Variants in MORC1 observed in about 807,000 individuals in gnomAD.
MORC1 encodes MORC family CW-type zinc finger 1.
In MORC1, 59 loss-of-function variants were observed where a neutral mutation model predicts 134.9. The ratio of observed to expected loss-of-function variants is 0.44; its 90% CI spans 0.35 to 0.54. The LOEUF is 0.54. Ranked by LOEUF, MORC1 falls within the 20% of genes least tolerant of loss-of-function variation. The probability of loss-of-function intolerance (pLI) is 0.00; values close to 1 mark genes in which losing one functional copy is unlikely to be tolerated. For missense variants in MORC1, 947 were observed against 1,134.5 expected (o/e 0.83, Z 2.37); for synonymous variants, 395 against 391.7 (o/e 1.01, Z -0.10).
At chr3:109,018,941 C>T (rs1344213151) in intron 17 of MORC1, 1 of 152,068 alleles carries the variant, frequency 6.6e-6, no homozygotes, top group African/African-American at 2.4e-5. Context: ...ATTCCTCTCC[C>T]AAAGGAAGAG....
In MORC1 at chr3:109,100,986, C is replaced by T. The variant is rs1471146083; in HGVS notation, c.224-479G>A. On this transcript the variant is annotated intron_variant, in intron 4 of 27. Coordinates refer to ENST00000232603, the MANE Select transcript of MORC1 (RefSeq NM_014429.4). ...CCTAGAAAGGTCCTGGAATCCATTC[C>T]CTACAGATACTAAGAAACAACTGTA... is the stretch of plus-strand genomic sequence containing the variant. Among the ~76,000 whole-genome samples, 3 of 152,084 alleles carry T rather than the reference C, an allele frequency of 2.0e-5. No homozygotes were observed. In the East Asian group the frequency reaches 5.8e-4, roughly 29 times the overall value.
chr3:109,076,974 T>TAAA lies in MORC1; in HGVS notation c.690-7220_690-7218dup, dbSNP rs10674222. On this transcript the variant is annotated intron_variant, in intron 8 of 27. Coordinates refer to ENST00000232603, the MANE Select transcript of MORC1 (RefSeq NM_014429.4). ...ACATGTATCCCAGAACTTAAAGTAT[T>TAAA]AAAAAAAAAAAAAAAGTTAAGAGAA... Among the ~76,000 whole-genome samples, 807 of 142,444 alleles carry TAAA rather than the reference T, an allele frequency of 5.7e-3. 6 individuals are homozygous for TAAA. Among genetic ancestry groups the TAAA allele is most frequent in the African/African-American group, 0.013 (486 of 38,484 alleles). 93.4% of individuals were successfully genotyped at this position (142,444 alleles called of 152,430 possible).
At chr3:109,106,223 G>A (rs947929409) in intron 3 of MORC1, among the ~76,000 whole-genome samples, 2 of 152,162 alleles carry the variant, frequency 1.3e-5, no homozygotes, top group Admixed American at 6.5e-5. Flanking sequence ...GTTCAGCCTC[G>A]GGCAGCTCTG....
chr3:109,036,723 A>G (rs1025515980), intron 14 of MORC1, among the ~76,000 whole-genome samples: 11 of 152,136 alleles, frequency 7.2e-5, no homozygotes, highest in African/African-American at 2.4e-4. Flanking sequence ...CAGCTTTCAA[A>G]AGGGTCTTCA....
intron 9 of MORC1, among the ~76,000 whole-genome samples, chr3:109,065,810 T>C (rs1950183183): frequency 6.6e-6 from 1 of 152,144 alleles, no homozygotes; most frequent in South Asian, 2.1e-4. Flanking sequence ...AAGTGGTACA[T>C]ATACACTATA....
chr3:109,041,139 G>A lies in MORC1; in HGVS notation c.1331-5671C>T, dbSNP rs139200970. 8.3e-3 allele frequency among the ~76,000 whole-genome samples: 1,249 copies of A among 149,978 alleles called. 12 individuals carry two copies. The highest frequency in any genetic ancestry group is 0.012 in the Non-Finnish European group (809 of 67,318). On this transcript the variant is annotated intron_variant, in intron 14 of 27. Coordinates refer to ENST00000232603, the MANE Select transcript of MORC1 (RefSeq NM_014429.4). ...ATCCTGGCCAACATGGTGAAACCCCGTCTCTACTAAAAATACAAAAAAATA... is the reference window on the plus strand; with the variant it reads ...ATCCTGGCCAACATGGTGAAACCCCATCTCTACTAAAAATACAAAAAAATA...
chr3:108,984,640 T>C (rs1947845381), intron 23 of MORC1, 76 bp downstream of exon 23: 2 of 1,109,094 alleles, frequency 1.8e-6, no homozygotes, highest in South Asian at 3.1e-5. Context: ...TTTCTTCTTG[T>C]ATTTAAACAT....
chr3:108,991,990 G>A (rs1576605579), intron 21 of MORC1, among the ~76,000 whole-genome samples: 1 of 151,936 alleles, frequency 6.6e-6, no homozygotes, highest in Non-Finnish European at 1.5e-5. Context: ...TTGGTCTTTA[G>A]TTTCTCCTTT....
Position 109,057,454 on chromosome 3 carries a change from A to T in MORC1, c.1064T>A (p.Phe355Tyr). 1 of 1,606,772 alleles carries T rather than the reference A, an allele frequency of 6.2e-7. No individual in the cohort carries two copies. The highest frequency in any genetic ancestry group is 8.5e-7 in the Non-Finnish European group (1 of 1,176,706). The change falls in exon 13 of 28, where the codon TTC becomes TAC. Residue 355 changes from phenylalanine to tyrosine, a missense_variant. Around this residue, in one of 3 missense-constraint regions of MORC1, gnomAD observed 722 missense variants for 817.0 expected, o/e 0.88. Coordinates refer to ENST00000232603, the MANE Select transcript of MORC1 (RefSeq NM_014429.4). ...TCGGTTTTCTACGTTCACTCCATAG[A>T]ACAGGGAGAGCGTTCTTGCTGTTTT... Reference protein sequence around the residue: ...ELKTARTLSLFYGVNVENRSQ... With the variant: ...ELKTARTLSLYYGVNVENRSQ...
At position 109,076,893 on chromosome 3, in the gene MORC1, G is replaced by C. The variant is rs138448492; in HGVS notation, c.690-7136C>G. Among the ~76,000 whole-genome samples, 179 of 151,578 alleles carry C rather than the reference G, an allele frequency of 1.2e-3. 1 individual carries two copies. In the East Asian group the frequency reaches 0.033, roughly 28 times the overall value. ...CCTAATGTAGATGACAGGTTGATGG[G>C]TGCAGCAAACCACCATGGCATGTGT... is the stretch of plus-strand genomic sequence containing the variant. On this transcript the variant is annotated intron_variant, in intron 8 of 27. Transcript: ENST00000232603.
intron 8 of MORC1, among the ~76,000 whole-genome samples, chr3:109,072,934 A>AACACACACACAC (rs58749136): frequency 0.015 from 2,199 of 144,760 alleles, 55 homozygotes; most frequent in African/African-American, 0.056. Flanking sequence ...AATCTCCCTC[A>AACACACACACAC]ACACACACAC....
In MORC1 at chr3:109,045,964, G is replaced by A. The variant is rs3804680; in HGVS notation, c.1330+8764C>T. 1.6e-4 allele frequency among the ~76,000 whole-genome samples: 25 copies of A among 152,172 alleles called. 2 individuals are homozygous for A. In the East Asian group the frequency reaches 4.8e-3, roughly 29 times the overall value. On this transcript the variant is annotated intron_variant, in intron 14 of 27. Coordinates refer to ENST00000232603, the MANE Select transcript of MORC1 (RefSeq NM_014429.4). ...CACCTTCTTAAGTGTGAGGACCTCC[G>A]TATGCTGCAAGAAACTTTTAGAACC... is the stretch of plus-strand genomic sequence containing the variant.
chr3:108,975,569 G>A (rs929576935), intron 24 of MORC1, among the ~76,000 whole-genome samples: 22 of 152,032 alleles, frequency 1.4e-4, no homozygotes, highest in African/African-American at 5.3e-4. Context: ...TCAAATCCAA[G>A]CTCTGTCACT....
At position 108,958,920 on chromosome 3, in the gene MORC1, C is replaced by A; in HGVS notation, c.*45G>T. 1 of 1,322,404 alleles carries A rather than the reference C, an allele frequency of 7.6e-7. No individual in the cohort carries two copies. The highest frequency in any genetic ancestry group is 1.0e-6 in the Non-Finnish European group (1 of 998,354). The allele number at this position is 1,322,404 out of a possible 1,614,324, so 81.9% of individuals were successfully genotyped here. A position where few individuals can be genotyped will look rare whatever the true frequency, so the allele number is the denominator to read the frequency against. The stretch of plus-strand genomic sequence containing the variant: ...AAGAAAAATTTTTAAAAGAATCTTC[C>A]AATTTTCTTATTAGCATTTTTTAAA... On this transcript the variant is annotated 3_prime_UTR_variant, in exon 28 of 28. Coordinates refer to ENST00000232603, the MANE Select transcript of MORC1 (RefSeq NM_014429.4).
chr3:109,099,301 G>A (rs1357108808), intron 6 of MORC1, 57 bp downstream of exon 6: 3 of 1,228,734 alleles, frequency 2.4e-6, no homozygotes, highest in South Asian at 1.4e-5. Flanking sequence ...CCTCCTGAGA[G>A]AGTAAATGAA....
intron 8 of MORC1, among the ~76,000 whole-genome samples, chr3:109,085,734 A>G (rs1005191925): frequency 1.3e-5 from 2 of 152,118 alleles, no homozygotes; most frequent in Non-Finnish European, 2.9e-5. Flanking sequence ...GAACTACTAT[A>G]TGATCCAGCA....
intron 4 of MORC1, 60 bp downstream of exon 4, chr3:109,103,789 T>A: frequency 7.1e-7 from 1 of 1,409,888 alleles, no homozygotes; most frequent in African/African-American, 1.4e-5. Flanking sequence ...TTTATTTATT[T>A]TGTAGGTTTT....
At chr3:108,967,959 C>G (rs1947266135) in intron 26 of MORC1, among the ~76,000 whole-genome samples, 1 of 152,202 alleles carries the variant, frequency 6.6e-6, no homozygotes, top group African/African-American at 2.4e-5. Flanking sequence ...TATTATCTTT[C>G]TGAATCTCTA....
chr3:109,042,056 G>A (rs1262699591), intron 14 of MORC1, among the ~76,000 whole-genome samples: 1 of 151,712 alleles, frequency 6.6e-6, no homozygotes, highest in East Asian at 1.9e-4. Context: ...GAAAGGGAGA[G>A]ACTATTCAAA....
Sources: allele counts gnomAD v4.1 joint callset (sites outside exome capture counted in the v4.1 genomes callset), GRCh38; gene constraint gnomAD v4.1.1; regional missense constraint gnomAD v4.1.1; transcripts MANE v1.5; gene names NCBI Gene and HGNC (gene_info 2026-07-23, HGNC 2026-07-21).